Variants in AFF1 observed in about 807,000 individuals in gnomAD.
The protein encoded by AFF1 is ALF transcription elongation factor 1.
In AFF1, 48 loss-of-function variants were observed where a neutral mutation model predicts 121.7. The observed-to-expected ratio is 0.39, with a 90% CI of 0.31 to 0.50. The LOEUF (loss-of-function observed/expected upper bound fraction) is 0.50, where lower values mean the gene tolerates loss of function less well. Ranked by LOEUF, AFF1 falls within the 20% of genes least tolerant of loss-of-function variation. The pLI, the probability that AFF1 is intolerant of heterozygous loss-of-function variation, is 0.76. For missense variants in AFF1, 1,523 were observed against 1,511.7 expected, an observed-to-expected ratio of 1.01 and a Z score of -0.12; for synonymous variants, 613 against 563.0, an observed-to-expected ratio of 1.09 and a Z score of -1.26.
chr4:86,958,102 T>TCC, intron 2 of AFF1, among the ~76,000 whole-genome samples: 1 of 145,728 alleles, frequency 6.9e-6, no homozygotes, highest in Non-Finnish European at 1.5e-5. Context: ...TTTTTTTTTT[T>TCC]TTTTTTTTGA....
At chr4:87,034,202 C>T (rs555821700) in intron 2 of AFF1, among the ~76,000 whole-genome samples, 9 of 152,274 alleles carry the variant, frequency 5.9e-5, no homozygotes, top group South Asian at 4.1e-4. Context: ...CGGGGATTAG[C>T]GATGCACAGC....
At chr4:87,069,438 T>TCTCTCCCTATCCTCTTCCTCCCTCC (rs1361339156) in intron 4 of AFF1, among the ~76,000 whole-genome samples, 3 of 143,034 alleles carry the variant, frequency 2.1e-5, no homozygotes, top group Admixed American at 1.4e-4. Context: ...CTTCTCCCTC[T>TCTCTCCCTATCCTCTTCCTCCCTCC]CTCTCCCTAT....
intron 2 of AFF1, among the ~76,000 whole-genome samples, chr4:86,999,831 C>T (rs930728712): frequency 2.6e-5 from 4 of 152,064 alleles, no homozygotes; most frequent in Non-Finnish European, 4.4e-5. Context: ...AGAAGCTTGG[C>T]AGTGATGGCA....
intron 5 of AFF1, among the ~76,000 whole-genome samples, chr4:87,087,189 CTATT>C (rs1349159135): frequency 1.3e-5 from 2 of 152,188 alleles, no homozygotes; most frequent in Non-Finnish European, 2.9e-5. Flanking sequence ...AGTGGTAGCA[CTATT>C]TATATGTTCA....
At chr4:87,072,634 C>A (rs572241800) in intron 4 of AFF1, among the ~76,000 whole-genome samples, 1 of 152,176 alleles carries the variant, frequency 6.6e-6, no homozygotes, top group East Asian at 1.9e-4. Flanking sequence ...AATTCTCCTG[C>A]TTCAGCCTCC....
intron 2 of AFF1, among the ~76,000 whole-genome samples, chr4:87,034,007 A>C (rs756365930): frequency 6.6e-6 from 1 of 152,172 alleles, no homozygotes; most frequent in Admixed American, 6.5e-5. Context: ...GGATGGGTGC[A>C]GGGAGTCAGA....
intron 2 of AFF1, among the ~76,000 whole-genome samples, chr4:86,994,849 T>C (rs1344966687): frequency 1.3e-5 from 2 of 152,018 alleles, no homozygotes; most frequent in East Asian, 3.9e-4. Flanking sequence ...CTGGAGGGTG[T>C]TCATGGGAAA....
chr4:86,976,131 G>A (rs1016023254), intron 2 of AFF1, among the ~76,000 whole-genome samples: 2 of 152,178 alleles, frequency 1.3e-5, no homozygotes, highest in Non-Finnish European at 1.5e-5. Flanking sequence ...GGGGCACACA[G>A]AGTTTTTATT....
At chr4:87,025,465 C>A (rs781504071) in intron 2 of AFF1, among the ~76,000 whole-genome samples, 7 of 152,198 alleles carry the variant, frequency 4.6e-5, no homozygotes, top group Non-Finnish European at 7.3e-5. Context: ...CAAAGATTTC[C>A]CATGTCAGTT....
chr4:86,952,399 A>G (rs984185788), intron 2 of AFF1, among the ~76,000 whole-genome samples: 1 of 152,188 alleles, frequency 6.6e-6, no homozygotes, highest in Non-Finnish European at 1.5e-5. Flanking sequence ...TGATTTTTCA[A>G]AAAGGTTTAG....
rs1398738952 is a variant in AFF1 at position 87,131,810 on chromosome 4, A to G, written c.3119A>G (p.Lys1040Arg). 1 of 1,595,746 alleles carries G rather than the reference A, an allele frequency of 6.3e-7. No individual in the cohort carries two copies. The highest frequency in any genetic ancestry group is 1.2e-5 in the South Asian group (1 of 86,644). The change falls in exon 18 of 21, where the codon AAA becomes AGA. Residue 1040 changes from lysine to arginine, a missense_variant. Around this residue, in one of 5 missense-constraint regions of AFF1, gnomAD observed 241 missense variants for 265.2 expected, o/e 0.91. Transcript: ENST00000395146. Reference protein sequence around the residue: ...VDLIKFIMSLKSFSDATAPTQ... With the variant: ...VDLIKFIMSLRSFSDATAPTQ... Reference sequence around the variant, plus strand: ...TCCTATAGATTCATAATGTCATTAAAATCCTTCTCAGATGCCACAGCGCCA... The same window carrying G: ...TCCTATAGATTCATAATGTCATTAAGATCCTTCTCAGATGCCACAGCGCCA...
intron 2 of AFF1, among the ~76,000 whole-genome samples, chr4:86,982,989 T>A (rs1275814436): frequency 6.6e-6 from 1 of 152,108 alleles, no homozygotes. Context: ...GCTCTTGGAC[T>A]TCCCAGCTCC....
At chr4:86,955,859 C>A (rs1195607036) in intron 2 of AFF1, among the ~76,000 whole-genome samples, 9 of 152,036 alleles carry the variant, frequency 5.9e-5, no homozygotes, top group Admixed American at 5.9e-4. Context: ...ATACTGTAGC[C>A]CCTGGAAGCT....
At chr4:87,064,073 T>A (rs1008940110) in intron 4 of AFF1, among the ~76,000 whole-genome samples, 1 of 152,244 alleles carries the variant, frequency 6.6e-6, no homozygotes, top group Non-Finnish European at 1.5e-5. Flanking sequence ...ACTGAATACT[T>A]GCTGTAGTTT....
At chr4:87,039,140 T>TG (rs896111397) in intron 2 of AFF1, among the ~76,000 whole-genome samples, 1 of 152,218 alleles carries the variant, frequency 6.6e-6, no homozygotes, top group African/African-American at 2.4e-5. Flanking sequence ...ATGCCCAACT[T>TG]GGGCCTTTCT....
chr4:87,069,879 G>C (rs1168571308), intron 4 of AFF1, among the ~76,000 whole-genome samples: 1 of 144,000 alleles, frequency 6.9e-6, no homozygotes, highest in Non-Finnish European at 1.5e-5. Flanking sequence ...AGTATAGTGT[G>C]GGATCTCAGC....
intron 2 of AFF1, chr4:86,949,917 G>C: frequency 6.2e-7 from 1 of 1,613,984 alleles, no homozygotes; most frequent in Non-Finnish European, 8.5e-7. Context: ...GGGATCTTCC[G>C]CGTCTTGGAC....
At chr4:87,057,113 G>A (rs1448002321) in intron 4 of AFF1, among the ~76,000 whole-genome samples, 1 of 152,086 alleles carries the variant, frequency 6.6e-6, no homozygotes, top group Non-Finnish European at 1.5e-5. Context: ...GACTTTTGAA[G>A]CACTTTGCAC....
rs1560657691 is a variant in AFF1, at chr4:87,127,178, C to CCCA, written c.2903+61_2903+62insCCA. The CCCA allele has an allele frequency of 1.3e-4, 173 of 1,298,776 alleles. 10 individuals carry two copies. In the African/African-American group the frequency reaches 1.9e-3, roughly 14 times the overall value. 80.5% of individuals were successfully genotyped at this position (1,298,776 alleles called of 1,614,324 possible). A position where few individuals can be genotyped will look rare whatever the true frequency, so the allele number is the denominator to read the frequency against. ...GTTTTGTTTTGCTTCCCCCCCCCAC[C>CCCA]AAGATAGAGTCTCACTCTGTCACCC... On this transcript the variant is annotated intron_variant, in intron 15 of 20. Coordinates refer to ENST00000395146, the MANE Select transcript of AFF1 (RefSeq NM_001166693.3).
Sources: gnomAD v4.1 joint callset for allele counts (sites outside exome capture counted in the v4.1 genomes callset) on GRCh38, gnomAD v4.1.1 for gene constraint, gnomAD v4.1.1 regional missense constraint, MANE v1.5 for transcripts, NCBI Gene and HGNC (gene_info 2026-07-23, HGNC 2026-07-21) for gene names.